The following RBPJ variants were observed in gnomAD, a reference collection of about 807,000 sequenced individuals.
The protein encoded by RBPJ is recombination signal binding protein for immunoglobulin kappa J region.
Under a neutral mutation model 67.8 loss-of-function variants are expected in RBPJ, and 9 were observed. The ratio of observed to expected loss-of-function variants is 0.13; its 90% confidence interval spans 0.08 to 0.23. The LOEUF is 0.23. RBPJ is among the 10% of genes least tolerant of loss of function. The pLI, the probability that RBPJ is intolerant of heterozygous loss-of-function variation, is 1.00. For synonymous variants in RBPJ, 198 were observed against 203.3 expected, an observed-to-expected ratio of 0.97 and a Z score of 0.22; for missense variants, 305 against 595.6, an observed-to-expected ratio of 0.51 and a Z score of 5.08.
rs753733670 is a variant in RBPJ at position 26,291,011 on chromosome 4, C to A, written c.-166-71435C>A. ...TTGAATGCTGTTTACTGGCTGTGAGCAAATAGGTATTCACTTAGAAGGCTT... is the reference window on the plus strand; with the variant it reads ...TTGAATGCTGTTTACTGGCTGTGAGAAAATAGGTATTCACTTAGAAGGCTT... On this transcript the variant is annotated intron_variant, in intron 1 of 4. Transcript: ENST00000512351. Among the ~76,000 whole-genome samples the A allele has an allele frequency of 9.3e-5, 14 of 150,940 alleles. 1 individual carries two copies. Among genetic ancestry groups the A allele is most frequent in the Non-Finnish European group, 1.6e-4 (11 of 67,644 alleles).
At chr4:26,377,791 G>C (rs1254182830) in intron 1 of RBPJ, among the ~76,000 whole-genome samples, 1 of 152,150 alleles carries the variant, frequency 6.6e-6, no homozygotes, top group Non-Finnish European at 1.5e-5. Flanking sequence ...TAGAGTTGGT[G>C]CTTGAGTGGT....
intron 1 of RBPJ, among the ~76,000 whole-genome samples, chr4:26,348,797 G>T (rs991470944): frequency 1.3e-5 from 2 of 151,766 alleles, no homozygotes; most frequent in Non-Finnish European, 2.9e-5. Context: ...TTGAACTCCT[G>T]AGTTCAAGCC....
chr4:26,371,136 G>A (rs28639645), intron 1 of RBPJ, among the ~76,000 whole-genome samples: 88 of 150,898 alleles, frequency 5.8e-4, no homozygotes, highest in African/African-American at 2.1e-3. Context: ...TTTCTCCATC[G>A]TGGAAATTAA....
At chr4:26,287,025 G>C (rs1461361735) in intron 1 of RBPJ, among the ~76,000 whole-genome samples, 1 of 152,116 alleles carries the variant, frequency 6.6e-6, no homozygotes, top group Non-Finnish European at 1.5e-5. Flanking sequence ...CACCTCAGGT[G>C]ATCCGCCCAC....
At chr4:26,175,130 G>A (rs55966491) in intron 1 of RBPJ, among the ~76,000 whole-genome samples, 57,210 of 152,028 alleles carry the variant, frequency 0.38, 12,200 homozygotes, top group Non-Finnish European at 0.48. Flanking sequence ...AAGGGAAAGT[G>A]CATCTGAATA....
At chr4:26,176,965 A>G (rs1406927667) in intron 1 of RBPJ, among the ~76,000 whole-genome samples, 1 of 152,208 alleles carries the variant, frequency 6.6e-6, no homozygotes, top group Non-Finnish European at 1.5e-5. Context: ...GTGTCCTGCT[A>G]GAACCTTTTC....
At chr4:26,169,654 T>C (rs1231227325) in intron 1 of RBPJ, among the ~76,000 whole-genome samples, 5 of 152,212 alleles carry the variant, frequency 3.3e-5, no homozygotes, top group African/African-American at 1.2e-4. Flanking sequence ...GTCTTTTTGT[T>C]TGTCTGTGCC....
At chr4:26,227,786 G>T (rs146062150) in intron 1 of RBPJ, among the ~76,000 whole-genome samples, 45 of 152,314 alleles carry the variant, frequency 3.0e-4, no homozygotes, top group Non-Finnish European at 6.3e-4. Flanking sequence ...TCCGAGTGCC[G>T]CTGACACATG....
At chr4:26,116,111 A>G in the RBPJ span, among the ~76,000 whole-genome samples, 1 of 152,258 alleles carries the variant, frequency 6.6e-6, no homozygotes, top group East Asian at 1.9e-4. Context: ...TCATGTTCTC[A>G]TTCAATAAAA....
intron 1 of RBPJ, among the ~76,000 whole-genome samples, chr4:26,181,453 G>C (rs992397423): frequency 6.6e-6 from 1 of 152,042 alleles, no homozygotes; most frequent in Non-Finnish European, 1.5e-5. Context: ...ATACCTCCTT[G>C]GGCCACAAAG....
chr4:26,407,503 G>T (rs1032705696), intron 3 of RBPJ, among the ~76,000 whole-genome samples: 2 of 152,100 alleles, frequency 1.3e-5, no homozygotes, highest in Non-Finnish European at 2.9e-5. Context: ...TTTAATTGGG[G>T]ACTTTCATTG....
intron 1 of RBPJ, among the ~76,000 whole-genome samples, chr4:26,168,834 C>T (rs1224913009): frequency 6.6e-6 from 1 of 152,078 alleles, no homozygotes; most frequent in African/African-American, 2.4e-5. Flanking sequence ...TCTTCCATCG[C>T]TGATACCCTT....
intron 1 of RBPJ, among the ~76,000 whole-genome samples, chr4:26,224,380 C>G (rs1719014809): frequency 6.6e-6 from 1 of 152,184 alleles, no homozygotes. Flanking sequence ...CAGGTATGCA[C>G]CACCATGCCA....
chr4:26,235,340 T>A (rs1220598782), intron 1 of RBPJ, among the ~76,000 whole-genome samples: 1 of 152,240 alleles, frequency 6.6e-6, no homozygotes, highest in East Asian at 1.9e-4. Context: ...TCTGCCTCTA[T>A]TTAGCTATGT....
intron 1 of RBPJ, among the ~76,000 whole-genome samples, chr4:26,327,043 G>C (rs981791614): frequency 1.8e-4 from 28 of 152,100 alleles, no homozygotes; most frequent in African/African-American, 6.8e-4. Flanking sequence ...TTGGGCAGCT[G>C]TAACAATGTA....
chr4:26,208,703 T>A (rs1718255243), intron 1 of RBPJ, among the ~76,000 whole-genome samples: 1 of 152,160 alleles, frequency 6.6e-6, no homozygotes, highest in African/African-American at 2.4e-5. Context: ...ACCCTGTGAT[T>A]TTTTTTCTGA....
intron 4 of RBPJ, among the ~76,000 whole-genome samples, chr4:26,417,989 TA>T (rs754052097): frequency 1.3e-5 from 2 of 152,234 alleles, no homozygotes; most frequent in African/African-American, 2.4e-5. Context: ...TTTAATTTGT[TA>T]AAAAAATTTA....
intron 1 of RBPJ, among the ~76,000 whole-genome samples, chr4:26,176,944 T>G (rs1716813682): frequency 6.6e-6 from 1 of 152,174 alleles, no homozygotes; most frequent in Admixed American, 6.5e-5. Flanking sequence ...AGTCATAGGG[T>G]GAGGGAAGGA....
At chr4:26,429,829 G>C in intron 8 of RBPJ, 69 bp from the exon 9 acceptor site, 2 of 1,322,874 alleles carry the variant, frequency 1.5e-6, no homozygotes, top group Non-Finnish European at 2.1e-6. Flanking sequence ...AGGGTTACTT[G>C]GTAAAATTTT....
Sources: allele counts gnomAD v4.1 joint callset (sites outside exome capture counted in the v4.1 genomes callset), GRCh38; gene constraint gnomAD v4.1.1; transcripts MANE v1.5; gene names NCBI Gene and HGNC (gene_info 2026-07-23, HGNC 2026-07-21).